The following ASGR2 variants were observed in gnomAD, a reference collection of about 807,000 sequenced individuals.
ASGR2 encodes the protein C-type lectin domain family 4 member H2.
In ASGR2, 34 loss-of-function variants were observed where a neutral mutation model predicts 32.3. That is an observed-to-expected ratio of 1.05 (90% CI 0.80 to 1.40). The LOEUF (loss-of-function observed/expected upper bound fraction) is 1.40, where lower values mean the gene tolerates loss of function less well. ASGR2 is among the 40% of genes most tolerant of loss of function. ASGR2 has a pLI of 0.00. For missense variants in ASGR2, 385 were observed against 386.4 expected (o/e 1.00, Z 0.03); for synonymous variants, 143 against 150.0 (o/e 0.95, Z 0.34).
chr17:7,107,604 C>G lies in ASGR2; in HGVS notation c.409+232G>C, dbSNP rs973509979. 1 of 656,906 alleles carries G rather than the reference C, an allele frequency of 1.5e-6. No individual in the cohort carries two copies. Among genetic ancestry groups the G allele is most frequent in the African/African-American group, 1.8e-5 (1 of 55,696 alleles). 40.7% of individuals were successfully genotyped at this position (656,906 alleles called of 1,614,324 possible). ...ACACAGACTCATCTCACACACACCA[C>G]CACACATGCATACACACACAACACA... On this transcript the variant is annotated intron_variant, in intron 5 of 8. Coordinates refer to ENST00000691900, the MANE Select transcript of ASGR2 (RefSeq NM_001201352.2). The surrounding 1 kb of genome is among the most constrained non-coding windows in gnomAD (Gnocchi z 5.0).
In ASGR2 at chr17:7,113,587, A is replaced by G. The variant is rs564537969; in HGVS notation, c.124+530T>C. 2.8e-4 allele frequency among the ~76,000 whole-genome samples: 43 copies of G among 151,706 alleles called. No individual in the cohort carries two copies. In the South Asian group the frequency reaches 2.9e-3, roughly 10 times the overall value. The stretch of plus-strand genomic sequence containing the variant: ...ATACACACAACATACACACACTCAC[A>G]TACACAACATACACTCGCACAACAT... On this transcript the variant is annotated intron_variant, in intron 2 of 8. Transcript: ENST00000691900. The surrounding 1 kb of genome is among the most constrained non-coding windows in gnomAD (Gnocchi z 5.1).
At chr17:7,104,523 G>A (rs1415133798) in intron 7 of ASGR2, among the ~76,000 whole-genome samples, 1 of 150,464 alleles carries the variant, frequency 6.6e-6, no homozygotes, top group African/African-American at 2.5e-5. Flanking sequence ...ATGGTGGCAG[G>A]CACCTGTAAT....
chr17:7,109,101 G>A (rs1372482174), intron 2 of ASGR2, among the ~76,000 whole-genome samples: 6 of 151,686 alleles, frequency 4.0e-5, no homozygotes, highest in South Asian at 2.1e-4. Context: ...ATATACACAC[G>A]CAGCTAATCT....
chr17:7,107,624 AACACACACATATACACCACACT>A lies in ASGR2; in HGVS notation c.409+190_409+211del. Reference sequence around the variant, plus strand: ...CACCACCACACATGCATACACACACAACACACACATATACACCACACTACACACCACACACAGATCCATGACA... The same window carrying A: ...CACCACCACACATGCATACACACACAACACACCACACACAGATCCATGACA... On this transcript the variant is annotated intron_variant, in intron 5 of 8. Transcript: ENST00000691900. The surrounding 1 kb of genome is among the most constrained non-coding windows in gnomAD (Gnocchi z 5.0). The A allele has an allele frequency of 8.7e-6, 6 of 690,122 alleles. No individual in the cohort carries two copies. The South Asian group carries it at 1.1e-4, about 12-fold the overall frequency. The allele number at this position is 690,122 out of a possible 1,614,324, so 42.7% of individuals were successfully genotyped here. A position where few individuals can be genotyped will look rare whatever the true frequency, so the allele number is the denominator to read the frequency against.
At position 7,107,936 on chromosome 17, in the gene ASGR2, G is replaced by A. The variant is rs572457006; in HGVS notation, c.338-29C>T. The A allele has an allele frequency of 1.1e-5, 17 of 1,612,754 alleles. No individual in the cohort carries two copies. In the East Asian group the frequency reaches 1.6e-4, roughly 15 times the overall value. ...GAAGCGGAAAGCCAGCTGTTTCCCC[G>A]CTGAGCCTCCCTCCGTCCTCATGCT... On this transcript the variant is annotated intron_variant, in intron 4 of 8. Transcript: ENST00000691900. This position sits in a 1 kb window ranked among gnomAD's most constrained non-coding sequence, Gnocchi z 5.0.
intron 2 of ASGR2, among the ~76,000 whole-genome samples, chr17:7,109,822 C>G (rs978831930): frequency 2.6e-5 from 4 of 151,752 alleles, no homozygotes; most frequent in African/African-American, 9.7e-5. Context: ...ATACTCCCTC[C>G]CACACACACA....
intron 7 of ASGR2, among the ~76,000 whole-genome samples, chr17:7,106,516 A>G (rs2151713977): frequency 6.6e-6 from 1 of 152,342 alleles, no homozygotes; most frequent in South Asian, 2.1e-4. Context: ...TACTCACAGT[A>G]TGCTGTAAAG....
intron 2 of ASGR2, among the ~76,000 whole-genome samples, chr17:7,109,969 C>T (rs1914413881): frequency 6.6e-6 from 1 of 152,126 alleles, no homozygotes; most frequent in Non-Finnish European, 1.5e-5. Context: ...GCAGCATCCA[C>T]CTGCAAACAG....
At chr17:7,101,971 G>C in intron 8 of ASGR2, 119 bp downstream of exon 8, 2 of 1,156,876 alleles carry the variant, frequency 1.7e-6, no homozygotes, top group Middle Eastern at 4.4e-4. Flanking sequence ...TTGGAGTCTG[G>C]GGAGGAGAGG....
intron 2 of ASGR2, among the ~76,000 whole-genome samples, chr17:7,111,500 C>CA (rs1233875802): frequency 2.6e-5 from 4 of 151,858 alleles, no homozygotes; most frequent in Admixed American, 6.6e-5. Context: ...ACTAAAAATA[C>CA]AAAAAATTAG....
chr17:7,111,656 CAA>C (rs771750801), intron 2 of ASGR2, among the ~76,000 whole-genome samples: 41 of 73,438 alleles, frequency 5.6e-4, no homozygotes, highest in Admixed American at 4.5e-4. Flanking sequence ...ACTCCGCCTC[CAA>C]AAAAAAAAAA....
In ASGR2 at chr17:7,101,430, G is replaced by A. The variant is rs1314890358; in HGVS notation, c.*145C>T. 2.5e-5 allele frequency: 26 copies of A among 1,054,148 alleles called. No homozygotes were observed. The highest frequency in any genetic ancestry group is 3.4e-5 in the Non-Finnish European group (26 of 754,760). 65.3% of individuals were successfully genotyped at this position (1,054,148 alleles called of 1,614,324 possible). ...TGGGATCTCAGTCCTCCAGGGTCAG[G>A]GACTCTTAAACTACCTCCTTTCTCT... is the stretch of plus-strand genomic sequence containing the variant. On this transcript the variant is annotated 3_prime_UTR_variant, in exon 9 of 9. Coordinates refer to ENST00000691900, the MANE Select transcript of ASGR2 (RefSeq NM_001201352.2).
intron 7 of ASGR2, among the ~76,000 whole-genome samples, chr17:7,103,648 A>G (rs1045693727): frequency 2.0e-5 from 3 of 152,208 alleles, no homozygotes; most frequent in Non-Finnish European, 2.9e-5. Context: ...TCATCATGGA[A>G]CTTATGCCCC....
rs1305106789 is a variant in ASGR2 at position 7,113,442 on chromosome 17, TCA to T, written c.124+673_124+674del. On this transcript the variant is annotated intron_variant, in intron 2 of 8. Transcript: ENST00000691900. This position sits in a 1 kb window ranked among gnomAD's most constrained non-coding sequence, Gnocchi z 5.1. ...CACACACGCACAACATACACAACAC[TCA>T]CACAACACACAAACATACATACACT... 3.5e-5 allele frequency among the ~76,000 whole-genome samples: 4 copies of T among 114,244 alleles called. No homozygotes were observed. The highest frequency in any genetic ancestry group is 6.1e-3 in the Middle Eastern group (1 of 164). The allele number at this position is 114,244 out of a possible 152,430, so 74.9% of individuals were successfully genotyped here.
In ASGR2 at chr17:7,107,697, A is replaced by T. The variant is rs1013991182; in HGVS notation, c.409+139T>A. 4.8e-6 allele frequency: 5 copies of T among 1,052,500 alleles called. No homozygotes were observed. The highest frequency in any genetic ancestry group is 7.1e-6 in the Non-Finnish European group (5 of 706,646). 65.2% of individuals were successfully genotyped at this position (1,052,500 alleles called of 1,614,324 possible). On this transcript the variant is annotated intron_variant, in intron 5 of 8. Transcript: ENST00000691900. The surrounding 1 kb of genome is among the most constrained non-coding windows in gnomAD (Gnocchi z 5.0). ...TATCACACCACACATACGGAGAGAG[A>T]CACAGATACACATGCTTGCAGGCAC... is the stretch of plus-strand genomic sequence containing the variant.
At position 7,107,018 on chromosome 17, in the gene ASGR2, G is replaced by C; in HGVS notation, c.630C>G (p.Ile210Met). ...CQLENAHLVV[I>M]NSWEEQKFIV... ...GCCTCACCTGCTCCTCCCAGGAGTT[G>C]ATGACCACCAGGTGTGCGTTCTCCA... is the stretch of plus-strand genomic sequence containing the variant. The change falls in exon 7 of 9, where the codon ATC (isoleucine) becomes ATG (methionine). Residue 210 changes from isoleucine to methionine, a missense_variant. Physicochemically the swap from Ile to Met is conservative, Grantham distance 10. Coordinates refer to ENST00000691900, the MANE Select transcript of ASGR2 (RefSeq NM_001201352.2). The surrounding 1 kb of genome is among the most constrained non-coding windows in gnomAD (Gnocchi z 5.0). 1 of 1,614,152 alleles carries C rather than the reference G, an allele frequency of 6.2e-7. No homozygotes were observed. Among genetic ancestry groups the C allele is most frequent in the Non-Finnish European group, 8.5e-7 (1 of 1,180,014 alleles).
rs117634124 is a variant in ASGR2, at chr17:7,110,640, G to T, written c.125-1752C>A. ...ATGGAGATCACAGTCGTAGCTACCC[G>T]ATTGGATTGCTCGGATAATTAGATG... On this transcript the variant is annotated intron_variant, in intron 2 of 8. Coordinates refer to ENST00000691900, the MANE Select transcript of ASGR2 (RefSeq NM_001201352.2). Among the ~76,000 whole-genome samples, 200 of 152,342 alleles carry T rather than the reference G, an allele frequency of 1.3e-3. 1 individual carries two copies. The East Asian group carries it at 0.034, about 26-fold the overall frequency.
At position 7,108,003 on chromosome 17, in the gene ASGR2, G is replaced by T; in HGVS notation, c.338-96C>A. On this transcript the variant is annotated intron_variant, in intron 4 of 8. Transcript: ENST00000691900. The surrounding 1 kb of genome is among the most constrained non-coding windows in gnomAD (Gnocchi z 4.9). ...CCAGCGCCTCGTCCTGGGCGATGCA[G>T]GCGTCCACCTCCTGGCTTCCTGGAC... The T allele has an allele frequency of 7.1e-7, 1 of 1,414,826 alleles. No homozygotes were observed. The highest frequency in any genetic ancestry group is 1.3e-5 in the South Asian group (1 of 78,906). 87.6% of individuals were successfully genotyped at this position (1,414,826 alleles called of 1,614,324 possible).
intron 2 of ASGR2, among the ~76,000 whole-genome samples, chr17:7,111,526 G>C (rs899015726): frequency 2.6e-5 from 4 of 151,972 alleles, no homozygotes; most frequent in African/African-American, 9.7e-5. Context: ...CGTGGTGGCA[G>C]GCGCCTGTAG....
Sources: allele counts gnomAD v4.1 joint callset (sites outside exome capture counted in the v4.1 genomes callset), GRCh38; gene constraint gnomAD v4.1.1; non-coding constraint Gnocchi (gnomAD v3.1); transcripts MANE v1.5; gene names NCBI Gene and HGNC (gene_info 2026-07-23, HGNC 2026-07-21).